CREM: variants seen among roughly 807,000 people sequenced by gnomAD.
CREM encodes the protein cAMP-responsive element modulator.
A neutral mutation model predicts 37.3 loss-of-function variants in CREM; 13 were observed. The ratio of observed to expected loss-of-function variants is 0.35; its 90% CI spans 0.23 to 0.55. The LOEUF is 0.55. Among genes scored for constraint, CREM ranks in the 20% least tolerant of loss-of-function variants. The pLI is 0.88. For missense variants in CREM, 296 were observed against 362.3 expected (o/e 0.82, Z 1.49); for synonymous variants, 124 against 120.2 (o/e 1.03, Z -0.21).
At chr10:35,191,707 G>A (rs1214519898) in intron 6 of CREM, among the ~76,000 whole-genome samples, 2 of 152,076 alleles carry the variant, frequency 1.3e-5, no homozygotes, top group Non-Finnish European at 2.9e-5. Context: ...TTCTCTGTCA[G>A]TCCTGTTGCT....
intron 5 of CREM, 100 bp from the exon 6 acceptor site, chr10:35,188,100 A>G: frequency 8.6e-7 from 1 of 1,156,692 alleles, no homozygotes; most frequent in Non-Finnish European, 1.2e-6. Flanking sequence ...CTGAGAAAGA[A>G]GCAATGGTAA....
At chr10:35,145,144 G>GAGCA (rs34957801) in intron 2 of CREM, among the ~76,000 whole-genome samples, 40,662 of 137,020 alleles carry the variant, frequency 0.3, 6,555 homozygotes, top group South Asian at 0.35. Flanking sequence ...CTGGGTGACA[G>GAGCA]AGCAAGACAC....
chr10:35,187,114 A>AT (rs2094631858), intron 5 of CREM, among the ~76,000 whole-genome samples: 1 of 78,172 alleles, frequency 1.3e-5, no homozygotes, highest in East Asian at 3.6e-4. Context: ...TATATTATAT[A>AT]AATATATAAA....
At chr10:35,129,850 AGTT>A (rs1299887925) in intron 1 of CREM, among the ~76,000 whole-genome samples, 3 of 152,226 alleles carry the variant, frequency 2.0e-5, no homozygotes, top group African/African-American at 7.2e-5. Flanking sequence ...CTTTGAAAAT[AGTT>A]ATTATTGTAC....
intron 5 of CREM, among the ~76,000 whole-genome samples, chr10:35,183,448 A>G (rs773036095): frequency 1.3e-5 from 2 of 152,190 alleles, no homozygotes; most frequent in African/African-American, 2.4e-5. Context: ...AACTGTTTCA[A>G]AATTTTTTAA....
intron 1 of CREM, among the ~76,000 whole-genome samples, chr10:35,132,793 T>C (rs1013066669): frequency 6.6e-6 from 1 of 152,234 alleles, no homozygotes; most frequent in African/African-American, 2.4e-5. Context: ...TATGGCTGTT[T>C]GGAATTATTT....
chr10:35,152,680 T>C (rs774015197), intron 3 of CREM, among the ~76,000 whole-genome samples: 2 of 152,212 alleles, frequency 1.3e-5, no homozygotes, highest in African/African-American at 2.4e-5. Context: ...CGCTGGATTC[T>C]GGTAAAACTG....
At chr10:35,136,179 A>G (rs1363971273) in intron 1 of CREM, among the ~76,000 whole-genome samples, 1 of 150,250 alleles carries the variant, frequency 6.7e-6, no homozygotes, top group Non-Finnish European at 1.5e-5. Context: ...TTGAACCACA[A>G]GAATGTATTA....
chr10:35,211,428 A>G lies in CREM; in HGVS notation c.*30A>G. The G allele has an allele frequency of 6.2e-7, 1 of 1,605,018 alleles. No individual in the cohort carries two copies. Among genetic ancestry groups the G allele is most frequent in the Non-Finnish European group, 8.5e-7 (1 of 1,175,450 alleles). ...CTTTGACTTGGACCTTGTTTACTCT[A>G]ATCAAGGCAGGAGATGCAGCAGTCC... is the stretch of plus-strand genomic sequence containing the variant. On this transcript the variant is annotated 3_prime_UTR_variant, in exon 8 of 8. Coordinates refer to ENST00000685392, the MANE Select transcript of CREM (RefSeq NM_183011.2).
chr10:35,186,663 CAT>C (rs1164014178), intron 5 of CREM, among the ~76,000 whole-genome samples: 11 of 138,814 alleles, frequency 7.9e-5, no homozygotes, highest in South Asian at 4.3e-4. Context: ...TAACATATGA[CAT>C]ATATAATTAT....
At chr10:35,201,825 T>C (rs545679809) in intron 6 of CREM, among the ~76,000 whole-genome samples, 10 of 152,316 alleles carry the variant, frequency 6.6e-5, no homozygotes, top group African/African-American at 2.4e-4. Flanking sequence ...GGGCTTTCCA[T>C]GTCTTAGAGG....
chr10:35,190,823 G>T (rs767346754), intron 6 of CREM, among the ~76,000 whole-genome samples: 2 of 151,844 alleles, frequency 1.3e-5, no homozygotes, highest in Non-Finnish European at 1.5e-5. Flanking sequence ...CACCATGTCC[G>T]ACTAATTTTT....
chr10:35,169,479 T>C (rs1452178802), intron 3 of CREM, among the ~76,000 whole-genome samples: 1 of 152,214 alleles, frequency 6.6e-6, no homozygotes, highest in Non-Finnish European at 1.5e-5. Context: ...GCTTATCAGC[T>C]TAAGGAGATT....
chr10:35,134,061 T>G lies in CREM; in HGVS notation c.-54-3721T>G, dbSNP rs570764527. Among the ~76,000 whole-genome samples, 9 of 151,978 alleles carry G rather than the reference T, an allele frequency of 5.9e-5. No homozygotes were observed. In the East Asian group the frequency reaches 1.2e-3, roughly 20 times the overall value. ...CAGCAGGTAAAAGTTTTTTGTTTTT[T>G]TTTTTTTTTCAAGACAGCTCTGTTG... On this transcript the variant is annotated intron_variant, in intron 1 of 7. Transcript: ENST00000685392.
At chr10:35,207,334 C>T (rs948859376) in intron 7 of CREM, among the ~76,000 whole-genome samples, 8 of 152,028 alleles carry the variant, frequency 5.3e-5, no homozygotes, top group Non-Finnish European at 1.2e-4. Context: ...GCGGAGGTTG[C>T]AGTGAGCCAA....
chr10:35,191,905 C>T (rs2094933545), intron 6 of CREM, among the ~76,000 whole-genome samples: 1 of 150,390 alleles, frequency 6.6e-6, no homozygotes, highest in South Asian at 2.1e-4. Context: ...CTAAAATCCA[C>T]TCTTCCTATC....
intron 7 of CREM, among the ~76,000 whole-genome samples, chr10:35,209,618 G>A (rs755004596): frequency 4.6e-5 from 7 of 152,204 alleles, no homozygotes; most frequent in Admixed American, 1.3e-4. Flanking sequence ...CCGCAACACC[G>A]CTATTAGGTC....
intron 2 of CREM, among the ~76,000 whole-genome samples, chr10:35,146,042 A>T (rs1371361472): frequency 6.6e-6 from 1 of 152,198 alleles, no homozygotes; most frequent in Non-Finnish European, 1.5e-5. Context: ...TAGTTAATGG[A>T]TTCCATCAGG....
chr10:35,142,818 G>T (rs1286068499), intron 2 of CREM, among the ~76,000 whole-genome samples: 5 of 152,288 alleles, frequency 3.3e-5, no homozygotes, highest in African/African-American at 1.2e-4. Context: ...ATGTTGCCCA[G>T]TCTGGTCTCA....
Sources: gnomAD v4.1 joint callset for allele counts (sites outside exome capture counted in the v4.1 genomes callset) on GRCh38, gnomAD v4.1.1 for gene constraint, MANE v1.5 for transcripts, NCBI Gene and HGNC (gene_info 2026-07-23, HGNC 2026-07-21) for gene names.